The following CDH12 variants were observed in gnomAD, a reference collection of about 807,000 sequenced individuals.
CDH12 encodes cadherin 12.
CDH12 carries 41 observed loss-of-function variants against 74.1 expected under a neutral mutation model. That is an observed-to-expected ratio of 0.55 (90% CI 0.43 to 0.72). The LOEUF (loss-of-function observed/expected upper bound fraction) is 0.72, where lower values mean the gene tolerates loss of function less well. Ranked by LOEUF, CDH12 falls within the 30% of genes least tolerant of loss-of-function variation. CDH12 has a pLI of 0.00. For synonymous variants in CDH12, 399 were observed against 355.0 expected (o/e 1.12, Z -1.39); for missense variants, 945 against 977.2 (o/e 0.97, Z 0.44).
intron 4 of CDH12, among the ~76,000 whole-genome samples, chr5:22,135,285 T>C (rs1042788434): frequency 6.6e-6 from 1 of 151,838 alleles, no homozygotes; most frequent in Non-Finnish European, 1.5e-5. Context: ...TGTTTTTGTT[T>C]TTCAAATGAT....
chr5:21,963,961 A>G (rs573339480), intron 6 of CDH12, among the ~76,000 whole-genome samples: 4 of 152,184 alleles, frequency 2.6e-5, no homozygotes, highest in Non-Finnish European at 4.4e-5. Context: ...TCTTAAAACA[A>G]TATGTATTCT....
chr5:22,579,980 C>T (rs1471656829), intron 1 of CDH12, among the ~76,000 whole-genome samples: 1 of 152,148 alleles, frequency 6.6e-6, no homozygotes, highest in African/African-American at 2.4e-5. Context: ...TTGCTACATG[C>T]TCTGGCCTCA....
chr5:22,004,462 T>G (rs1326322700), intron 5 of CDH12, among the ~76,000 whole-genome samples: 1 of 152,174 alleles, frequency 6.6e-6, no homozygotes, highest in Non-Finnish European at 1.5e-5. Context: ...TCTCACTGTT[T>G]CCTTAACCTC....
intron 6 of CDH12, chr5:21,884,112 G>A (rs2150036390): frequency 6.8e-7 from 1 of 1,469,654 alleles, no homozygotes. Context: ...TGCTATGGTT[G>A]GAGATTTTAT....
chr5:22,312,088 G>A (rs949293805), intron 3 of CDH12, among the ~76,000 whole-genome samples: 11 of 151,740 alleles, frequency 7.2e-5, no homozygotes, highest in Middle Eastern at 3.4e-3. Flanking sequence ...TCCACACTAC[G>A]CTCGATTTAG....
chr5:22,540,694 T>C (rs556450100), intron 1 of CDH12, among the ~76,000 whole-genome samples: 25 of 152,272 alleles, frequency 1.6e-4, no homozygotes, highest in Middle Eastern at 3.4e-3. Flanking sequence ...ATTTAAAGAA[T>C]ACATTTGTTG....
intron 3 of CDH12, among the ~76,000 whole-genome samples, chr5:22,240,678 C>T (rs568189050): frequency 0.07 from 10,579 of 152,046 alleles, 479 homozygotes; most frequent in South Asian, 0.15. Flanking sequence ...GGATTACAGG[C>T]GCCTGCCACC....
At chr5:22,120,401 T>G (rs1433721987) in intron 4 of CDH12, among the ~76,000 whole-genome samples, 1 of 152,162 alleles carries the variant, frequency 6.6e-6, no homozygotes. Context: ...GATGAAGTAT[T>G]ACATGTATGA....
intron 1 of CDH12, among the ~76,000 whole-genome samples, chr5:22,767,846 TG>T (rs1460161684): frequency 3.3e-5 from 5 of 151,996 alleles, no homozygotes; most frequent in Non-Finnish European, 7.4e-5. Flanking sequence ...AAATTATACC[TG>T]GGGGCTTTAG....
chr5:22,078,848 T>C lies in CDH12; in HGVS notation c.-172A>G, dbSNP rs1437012115. On this transcript the variant is annotated 5_prime_UTR_variant, in exon 5 of 15. Coordinates refer to ENST00000382254, the MANE Select transcript of CDH12 (RefSeq NM_004061.5). ...TGAAAAGGCTTCTGCTGTATTATAT[T>C]CCATCTAAAGGGGCCTATGAAATAG... 6 of 1,396,394 alleles carry C rather than the reference T, an allele frequency of 4.3e-6. No homozygotes were observed. The highest frequency in any genetic ancestry group is 5.6e-6 in the Non-Finnish European group (6 of 1,077,904). The allele number at this position is 1,396,394 out of a possible 1,614,324, so 86.5% of individuals were successfully genotyped here.
intron 1 of CDH12, among the ~76,000 whole-genome samples, chr5:22,621,430 G>GT (rs1737967989): frequency 6.6e-6 from 1 of 152,006 alleles, no homozygotes; most frequent in Non-Finnish European, 1.5e-5. Flanking sequence ...ATACTAGAAG[G>GT]TAAAAAAGCC....
intron 5 of CDH12, among the ~76,000 whole-genome samples, chr5:22,030,852 C>T (rs374973970): frequency 2.6e-4 from 39 of 152,134 alleles, no homozygotes; most frequent in Non-Finnish European, 4.1e-4. Context: ...GGATAACTTG[C>T]TGCAGTTGTA....
chr5:21,815,189 A>C (rs1255251180), intron 9 of CDH12, among the ~76,000 whole-genome samples: 1 of 152,108 alleles, frequency 6.6e-6, no homozygotes, highest in Non-Finnish European at 1.5e-5. Flanking sequence ...CTGAGCAAAT[A>C]TGGGAGGGGC....
intron 4 of CDH12, among the ~76,000 whole-genome samples, chr5:22,099,435 C>G (rs887495129): frequency 6.6e-6 from 1 of 152,166 alleles, no homozygotes; most frequent in Non-Finnish European, 1.5e-5. Flanking sequence ...TATCACTTTC[C>G]CTTCTCAGAA....
intron 2 of CDH12, among the ~76,000 whole-genome samples, chr5:22,432,317 GT>G (rs1450149197): frequency 1.3e-5 from 2 of 152,112 alleles, no homozygotes; most frequent in Non-Finnish European, 2.9e-5. Context: ...AGCTAAGTTT[GT>G]ATGAGTAAAC....
intron 2 of CDH12, among the ~76,000 whole-genome samples, chr5:22,431,532 T>C (rs535324195): frequency 6.6e-6 from 1 of 152,362 alleles, no homozygotes; most frequent in South Asian, 2.1e-4. Context: ...ACAAGTATTT[T>C]AGAGTGGACT....
intron 1 of CDH12, among the ~76,000 whole-genome samples, chr5:22,806,507 C>T (rs1228650296): frequency 2.0e-5 from 3 of 152,120 alleles, no homozygotes; most frequent in East Asian, 1.9e-4. Flanking sequence ...CGCCCGCCAT[C>T]ACGCCCGGCT....
intron 1 of CDH12, among the ~76,000 whole-genome samples, chr5:22,511,597 G>C (rs1466072187): frequency 1.3e-5 from 2 of 152,178 alleles, no homozygotes; most frequent in East Asian, 3.9e-4. Context: ...TAATTGGCAA[G>C]GATGTGGAGT....
chr5:22,338,700 T>C (rs1042496844), intron 3 of CDH12, among the ~76,000 whole-genome samples: 2 of 152,190 alleles, frequency 1.3e-5, no homozygotes, highest in Admixed American at 6.5e-5. Context: ...ACACATACTA[T>C]GTACCCACAA....
Sources: gnomAD v4.1 joint callset for allele counts (sites outside exome capture counted in the v4.1 genomes callset) on GRCh38, gnomAD v4.1.1 for gene constraint, MANE v1.5 for transcripts, NCBI Gene and HGNC (gene_info 2026-07-23, HGNC 2026-07-21) for gene names.